The following PCCA variants were observed in gnomAD, a reference collection of about 807,000 sequenced individuals.
PCCA encodes the protein propionyl-CoA carboxylase alpha chain, mitochondrial.
In PCCA, 74 loss-of-function variants were observed where a neutral mutation model predicts 101.3. That is an observed-to-expected ratio of 0.73 (90% CI 0.61 to 0.89). The LOEUF (loss-of-function observed/expected upper bound fraction) is 0.89. PCCA is among the 40% of genes least tolerant of loss of function. The pLI is 0.00. For missense variants in PCCA, 891 were observed against 907.0 expected, an observed-to-expected ratio of 0.98 and a Z score of 0.23; for synonymous variants, 294 against 313.6, an observed-to-expected ratio of 0.94 and a Z score of 0.66.
chr13:100,137,906 C>A (rs542234963), intron 4 of PCCA, among the ~76,000 whole-genome samples: 1 of 151,590 alleles, frequency 6.6e-6, no homozygotes, highest in Non-Finnish European at 1.5e-5. Flanking sequence ...GCCTCCTGGG[C>A]CCAAGTGATC....
At chr13:100,199,436 T>G (rs2058334416) in intron 6 of PCCA, among the ~76,000 whole-genome samples, 1 of 152,324 alleles carries the variant, frequency 6.6e-6, no homozygotes, top group East Asian at 1.9e-4. Context: ...ATGACTTATC[T>G]GTTGAAGAAC....
intron 22 of PCCA, among the ~76,000 whole-genome samples, chr13:100,523,212 G>A (rs1351613446): frequency 6.6e-6 from 1 of 152,150 alleles, no homozygotes; most frequent in Non-Finnish European, 1.5e-5. Flanking sequence ...CTTGGTAGAA[G>A]GATATTGGGG....
At chr13:100,089,275 C>T (rs906331604) in intron 1 of PCCA, 50 bp downstream of exon 1, 5 of 1,408,402 alleles carry the variant, frequency 3.6e-6, no homozygotes, top group African/African-American at 1.5e-5. Flanking sequence ...GGCTTCTAGC[C>T]GTGCCGCCTC....
At chr13:100,528,861 C>T (rs951996179) in intron 23 of PCCA, among the ~76,000 whole-genome samples, 1 of 152,206 alleles carries the variant, frequency 6.6e-6, no homozygotes, top group African/African-American at 2.4e-5. Flanking sequence ...CCTAGTATCA[C>T]GACATCCATC....
intron 20 of PCCA, among the ~76,000 whole-genome samples, chr13:100,432,320 G>T (rs1437216704): frequency 6.6e-6 from 1 of 152,104 alleles, no homozygotes; most frequent in Non-Finnish European, 1.5e-5. Context: ...TAAATAAAAA[G>T]ATGATTTTTC....
intron 17 of PCCA, 35 bp downstream of exon 17, chr13:100,330,706 G>A (rs1241996537): frequency 2.4e-6 from 3 of 1,260,870 alleles, no homozygotes; most frequent in Non-Finnish European, 3.5e-6. Context: ...GTGTTTTAAA[G>A]TTGTTATTTT....
intron 20 of PCCA, among the ~76,000 whole-genome samples, chr13:100,432,113 C>T (rs894662445): frequency 1.1e-4 from 16 of 151,952 alleles, no homozygotes; most frequent in African/African-American, 3.6e-4. Flanking sequence ...CCCCTGCACT[C>T]CAGCCTGGGC....
At chr13:100,475,805 C>T (rs1186466009) in intron 21 of PCCA, among the ~76,000 whole-genome samples, 1 of 152,124 alleles carries the variant, frequency 6.6e-6, no homozygotes, top group Non-Finnish European at 1.5e-5. Context: ...CACTGACACT[C>T]GTTATTGTCT....
At chr13:100,249,943 A>C (rs1462996238) in intron 8 of PCCA, among the ~76,000 whole-genome samples, 1 of 152,186 alleles carries the variant, frequency 6.6e-6, no homozygotes, top group Non-Finnish European at 1.5e-5. Flanking sequence ...ATTGCTTATC[A>C]GTTCCAAGAA....
At chr13:100,127,249 T>A (rs2050041476) in intron 4 of PCCA, among the ~76,000 whole-genome samples, 2 of 152,236 alleles carry the variant, frequency 1.3e-5, no homozygotes, top group Admixed American at 1.3e-4. Flanking sequence ...CAGCTTTTTT[T>A]AATCTGTGGG....
intron 20 of PCCA, among the ~76,000 whole-genome samples, chr13:100,433,656 A>G (rs2079723110): frequency 6.6e-6 from 1 of 152,292 alleles, no homozygotes; most frequent in Middle Eastern, 3.4e-3. Flanking sequence ...GTTCATTGTA[A>G]TATCAAAACT....
chr13:100,320,470 A>G (rs2152714553), intron 16 of PCCA, among the ~76,000 whole-genome samples: 1 of 152,324 alleles, frequency 6.6e-6, no homozygotes, highest in Admixed American at 6.5e-5. Context: ...TTTGTCATAA[A>G]TAGCTCTTAT....
rs912240154 is a variant in PCCA at position 100,465,906 on chromosome 13, T to C, written c.1899+16601T>C. ...TGATACTGGATTTGCTTTAGGAACA[T>C]GTTTAGCGAATAGCTGTTTGGAAGT... On this transcript the variant is annotated intron_variant, in intron 21 of 23. Transcript: ENST00000376285. Among the ~76,000 whole-genome samples, 4 of 152,350 alleles carry C rather than the reference T, an allele frequency of 2.6e-5. No homozygotes were observed. The East Asian group carries it at 5.8e-4, about 22-fold the overall frequency.
intron 12 of PCCA, among the ~76,000 whole-genome samples, chr13:100,281,512 T>C (rs2064118088): frequency 6.6e-6 from 1 of 152,230 alleles, no homozygotes; most frequent in East Asian, 1.9e-4. Flanking sequence ...GGGGGACTAC[T>C]ATATATGCAA....
intron 21 of PCCA, among the ~76,000 whole-genome samples, chr13:100,478,809 A>G (rs2083642213): frequency 6.6e-6 from 1 of 152,142 alleles, no homozygotes; most frequent in African/African-American, 2.4e-5. Flanking sequence ...AGCCTAGTAG[A>G]ATTGCTTTTT....
intron 23 of PCCA, among the ~76,000 whole-genome samples, chr13:100,529,400 T>G (rs2088172335): frequency 6.6e-6 from 1 of 152,120 alleles, no homozygotes; most frequent in Admixed American, 6.5e-5. Context: ...AGCAAGAGCC[T>G]CCAAGAAGTC....
chr13:100,140,660 T>C (rs1047361017), intron 4 of PCCA, among the ~76,000 whole-genome samples: 1 of 152,230 alleles, frequency 6.6e-6, no homozygotes, highest in Non-Finnish European at 1.5e-5. Flanking sequence ...TTGATCTGCC[T>C]GCTACTGTTT....
At chr13:100,415,259 TAGCC>T (rs912128875) in intron 19 of PCCA, among the ~76,000 whole-genome samples, 2 of 146,154 alleles carry the variant, frequency 1.4e-5, no homozygotes, top group African/African-American at 5.0e-5. Context: ...AAAAAAAAAT[TAGCC>T]AGGCATGATG....
chr13:100,348,779 T>TTCCTTCCTTCCTTCCTTCCTTC (rs2072755235), intron 18 of PCCA, among the ~76,000 whole-genome samples: 2 of 76,232 alleles, frequency 2.6e-5, no homozygotes, highest in Non-Finnish European at 5.6e-5. Flanking sequence ...TTTCTTTCTT[T>TTCCTTCCTTCCTTCCTTCCTTC]CTTTCTTTCT....
Sources: allele counts gnomAD v4.1 joint callset (sites outside exome capture counted in the v4.1 genomes callset), GRCh38; gene constraint gnomAD v4.1.1; transcripts MANE v1.5; gene names NCBI Gene and HGNC (gene_info 2026-07-23, HGNC 2026-07-21).